Variants in LRRC49 observed in about 807,000 individuals in gnomAD.
The protein encoded by LRRC49 is leucine-rich repeat-containing protein 49.
A neutral mutation model predicts 83.3 loss-of-function variants in LRRC49; 50 were observed. That is an observed-to-expected ratio of 0.60 (90% CI 0.48 to 0.76). The LOEUF is 0.76. LRRC49 is among the 30% of genes least tolerant of loss of function. The pLI is 0.00. For missense variants in LRRC49, 704 were observed against 809.1 expected, an observed-to-expected ratio of 0.87 and a Z score of 1.58; for synonymous variants, 286 against 283.3, an observed-to-expected ratio of 1.01 and a Z score of -0.10.
chr15:70,955,846 C>T (rs2036380564), intron 8 of LRRC49, among the ~76,000 whole-genome samples: 1 of 152,080 alleles, frequency 6.6e-6, no homozygotes, highest in African/African-American at 2.4e-5. Flanking sequence ...GTGCATTACT[C>T]TTTAATATTT....
At chr15:70,930,722 G>A (rs2035375409) in intron 7 of LRRC49, among the ~76,000 whole-genome samples, 1 of 152,166 alleles carries the variant, frequency 6.6e-6, no homozygotes, top group Non-Finnish European at 1.5e-5. Flanking sequence ...TAGGTAACTT[G>A]CTGCAGCTTT....
At chr15:70,936,917 C>G (rs2035620070) in intron 8 of LRRC49, 95 bp downstream of exon 8, 1 of 771,260 alleles carries the variant, frequency 1.3e-6, no homozygotes, top group Admixed American at 2.2e-5. Flanking sequence ...GAGAATTTTA[C>G]TAGCATGGAA....
chr15:70,860,477 T>C (rs2032763140), intron 1 of LRRC49, among the ~76,000 whole-genome samples: 1 of 151,958 alleles, frequency 6.6e-6, no homozygotes, highest in Non-Finnish European at 1.5e-5. Context: ...TGCAGTGGAG[T>C]GATCATAACT....
chr15:70,963,007 T>C (rs2036659749), intron 8 of LRRC49, among the ~76,000 whole-genome samples: 1 of 152,046 alleles, frequency 6.6e-6, no homozygotes, highest in Admixed American at 6.6e-5. Context: ...TGGTCATGCC[T>C]GTTAATTCCA....
At chr15:70,901,607 C>A (rs562017644) in intron 4 of LRRC49, among the ~76,000 whole-genome samples, 4 of 152,162 alleles carry the variant, frequency 2.6e-5, no homozygotes, top group African/African-American at 9.7e-5. Flanking sequence ...AAATTGCAAC[C>A]CCTTCCACAC....
intron 7 of LRRC49, among the ~76,000 whole-genome samples, chr15:70,924,583 C>T (rs111500664): frequency 6.6e-5 from 10 of 151,832 alleles, no homozygotes; most frequent in African/African-American, 2.2e-4. Flanking sequence ...TTTTTGTTGC[C>T]TAGTATTTTC....
At chr15:70,898,498 G>C (rs2033930586) in intron 3 of LRRC49, 1 of 685,360 alleles carries the variant, frequency 1.5e-6, no homozygotes, top group African/African-American at 1.8e-5. Context: ...TAACAGGCCG[G>C]TTGCTATGGC....
rs751954792 is a variant in LRRC49 at position 70,936,712 on chromosome 15, A to G, written c.712-49A>G. ...ATAGCTTAGCAAGAAGACATTTATA[A>G]TATTTTTTTCTTTCATCTGATTAAG... On this transcript the variant is annotated intron_variant, in intron 7 of 15. Coordinates refer to ENST00000260382, the MANE Select transcript of LRRC49 (RefSeq NM_017691.5). 2.8e-6 allele frequency: 3 copies of G among 1,083,528 alleles called. No homozygotes were observed. In the South Asian group the frequency reaches 3.8e-5, roughly 14 times the overall value. The allele number at this position is 1,083,528 out of a possible 1,614,324, so 67.1% of individuals were successfully genotyped here. A position where few individuals can be genotyped will look rare whatever the true frequency, so the allele number is the denominator to read the frequency against.
At chr15:70,867,465 C>T (rs1782410816) in intron 1 of LRRC49, among the ~76,000 whole-genome samples, 1 of 152,132 alleles carries the variant, frequency 6.6e-6, no homozygotes, top group Non-Finnish European at 1.5e-5. Flanking sequence ...GTGTTCTTGG[C>T]CTATGACCTC....
chr15:71,031,854 C>T (rs961097904), intron 14 of LRRC49, among the ~76,000 whole-genome samples: 14 of 152,128 alleles, frequency 9.2e-5, no homozygotes, highest in East Asian at 1.9e-4. Flanking sequence ...CCACCAAGCT[C>T]GATCATCCCG....
chr15:71,038,022 G>A (rs929811819), intron 15 of LRRC49, among the ~76,000 whole-genome samples: 6 of 152,090 alleles, frequency 3.9e-5, no homozygotes, highest in East Asian at 1.9e-4. Flanking sequence ...ACAATACAAC[G>A]TTGTGACCCT....
intron 14 of LRRC49, among the ~76,000 whole-genome samples, chr15:71,017,852 T>C (rs2038875613): frequency 6.6e-6 from 1 of 152,162 alleles, no homozygotes; most frequent in Non-Finnish European, 1.5e-5. Flanking sequence ...GTACTAGGAA[T>C]ATATTCTAAT....
At chr15:70,943,722 C>G (rs934385512) in intron 8 of LRRC49, among the ~76,000 whole-genome samples, 1 of 152,200 alleles carries the variant, frequency 6.6e-6, no homozygotes, top group Non-Finnish European at 1.5e-5. Flanking sequence ...TGCTTGAGCC[C>G]ACTTGCCCAA....
At chr15:70,962,566 T>C (rs2036640886) in intron 8 of LRRC49, among the ~76,000 whole-genome samples, 1 of 151,286 alleles carries the variant, frequency 6.6e-6, no homozygotes, top group Admixed American at 6.6e-5. Context: ...AGAAAATACA[T>C]GAGTATAGAA....
chr15:70,853,722 A>T (rs1403175559), intron 1 of LRRC49, among the ~76,000 whole-genome samples: 1 of 152,104 alleles, frequency 6.6e-6, no homozygotes, highest in African/African-American at 2.4e-5. Flanking sequence ...GGCTGCCTCC[A>T]CGGGCCGGTT....
chr15:70,888,796 A>G (rs1243759463), upstream of LRRC49, among the ~76,000 whole-genome samples: 1 of 152,192 alleles, frequency 6.6e-6, no homozygotes, highest in Non-Finnish European at 1.5e-5. Context: ...AATGGGCTAG[A>G]TTTAAAAGGG....
chr15:70,895,941 T>C lies in LRRC49; in HGVS notation c.193+5T>C. 6.5e-7 allele frequency: 1 copy of C among 1,546,008 alleles called. No homozygotes were observed. The highest frequency in any genetic ancestry group is 8.9e-7 in the Non-Finnish European group (1 of 1,121,634). On this transcript the variant is annotated splice_donor_5th_base_variant and intron_variant, in intron 3 of 15. Transcript: ENST00000260382. ...GAAACTACTCAAGTAGGCAAGGTAT[T>C]GTCAGTGAATAGAGATCAGATGTGG...
intron 8 of LRRC49, among the ~76,000 whole-genome samples, chr15:70,958,072 T>C (rs1045191184): frequency 6.6e-6 from 1 of 152,110 alleles, no homozygotes; most frequent in African/African-American, 2.4e-5. Context: ...TGGATTCCTT[T>C]CCTTATCACA....
rs190973017 is a variant in LRRC49 at position 70,956,895 on chromosome 15, G to A, written c.774-6890G>A. On this transcript the variant is annotated intron_variant, in intron 8 of 15. Coordinates refer to ENST00000260382, the MANE Select transcript of LRRC49 (RefSeq NM_017691.5). ...GTCAACAGTAGTAGCTGATGTGGGAGCAGTTGCCCGGATAGTACTTGCTGA... is the reference window on the plus strand; with the variant it reads ...GTCAACAGTAGTAGCTGATGTGGGAACAGTTGCCCGGATAGTACTTGCTGA... Among the ~76,000 whole-genome samples, 379 of 152,252 alleles carry A rather than the reference G, an allele frequency of 2.5e-3. 4 individuals carry two copies. Among genetic ancestry groups the A allele is most frequent in the Non-Finnish European group, 1.1e-3 (74 of 68,022 alleles).
Sources: allele counts gnomAD v4.1 joint callset (sites outside exome capture counted in the v4.1 genomes callset), GRCh38; gene constraint gnomAD v4.1.1; transcripts MANE v1.5; gene names NCBI Gene and HGNC (gene_info 2026-07-23, HGNC 2026-07-21).